Variants in GARIN5B observed in about 807,000 individuals in gnomAD.
GARIN5B encodes the protein Golgi-associated RAB2 interactor protein 5B.
At chr19:55,361,002 C>T in the GARIN5B span, 1 of 1,550,674 alleles carries the variant, frequency 6.4e-7, no homozygotes, top group Non-Finnish European at 8.7e-7. Flanking sequence ...ACGCCCACTT[C>T]TTTTCTGCAG....
the GARIN5B span, chr19:55,362,501 A>G: frequency 6.5e-7 from 1 of 1,531,150 alleles, no homozygotes; most frequent in African/African-American, 1.4e-5. Context: ...CAGGGGGATC[A>G]TCCTGGGAGA....
chr19:55,363,149 C>T, the GARIN5B span: 3 of 1,358,256 alleles, frequency 2.2e-6, no homozygotes, highest in Non-Finnish European at 2.9e-6. This position sits in a 1 kb window ranked among gnomAD's most constrained non-coding sequence, Gnocchi z 4.0. Flanking sequence ...CCAGCCTTGA[C>T]CCGTGGGGCT....
the GARIN5B span, chr19:55,355,312 A>C: frequency 5.8e-6 from 9 of 1,549,708 alleles, no homozygotes; most frequent in Non-Finnish European, 6.1e-6. Flanking sequence ...AAGCCCCCGC[A>C]TCCGGCCACT....
the GARIN5B span, chr19:55,363,221 G>A: frequency 2.6e-6 from 2 of 761,366 alleles, no homozygotes; most frequent in Admixed American, 4.0e-5. This position sits in a 1 kb window ranked among gnomAD's most constrained non-coding sequence, Gnocchi z 4.0. Context: ...GGAGACTCGG[G>A]CCTCCGCCAT....
At chr19:55,357,860 C>A in the GARIN5B span, among the ~76,000 whole-genome samples, 2 of 152,084 alleles carry the variant, frequency 1.3e-5, no homozygotes, top group Non-Finnish European at 2.9e-5. Flanking sequence ...TCAAGACCAG[C>A]CTGGCCAACA....
chr19:55,362,039 A>G, the GARIN5B span, among the ~76,000 whole-genome samples: 1 of 133,860 alleles, frequency 7.5e-6, no homozygotes, highest in African/African-American at 3.0e-5. Flanking sequence ...CCAGGCCCCC[A>G]GCTCCTCCTC....
At chr19:55,362,454 A>T in the GARIN5B span, 2 of 1,547,684 alleles carry the variant, frequency 1.3e-6, no homozygotes, top group East Asian at 2.5e-5. Flanking sequence ...TTCAGGCGCC[A>T]GGCAGAGAGG....
chr19:55,363,129 C>A, the GARIN5B span: 1 of 1,408,404 alleles, frequency 7.1e-7, no homozygotes, highest in Non-Finnish European at 9.3e-7. The surrounding 1 kb of genome is among the most constrained non-coding windows in gnomAD (Gnocchi z 4.0). Context: ...GGCCTCCCAG[C>A]CCCGGCCCAC....
At chr19:55,358,511 GGCTCCTTCATCTCGCCCCATGGCT>G in the GARIN5B span, 1,334,974 of 1,540,910 alleles carry the variant, frequency 0.87, 578,895 homozygotes, top group East Asian at 0.91. Context: ...GTCCCAGGGT[GGCTCCTTCATCTCGCCCCATGGCT>G]GCTCCTTCAT....
the GARIN5B span, chr19:55,358,331 G>A: frequency 5.2e-6 from 8 of 1,532,112 alleles, no homozygotes; most frequent in Non-Finnish European, 7.0e-6. Context: ...CTGCTGGGAC[G>A]CCCTGGCTGT....
chr19:55,357,112 G>A, the GARIN5B span, among the ~76,000 whole-genome samples: 2 of 152,056 alleles, frequency 1.3e-5, no homozygotes, highest in South Asian at 2.1e-4. Context: ...AGTCACTCCC[G>A]CTTCCTCCAC....
chr19:55,355,224 A>C, the GARIN5B span: 2 of 295,142 alleles, frequency 6.8e-6, no homozygotes, highest in Non-Finnish European at 9.9e-6. Flanking sequence ...CCCCGCCCCC[A>C]GGTCTAAGGC....
chr19:55,355,171 C>T, the GARIN5B span: 2 of 100,248 alleles, frequency 2.0e-5, no homozygotes, highest in Non-Finnish European at 4.2e-5. Context: ...GTCCTCCCCC[C>T]TCCGTTACCC....
At chr19:55,361,527 C>T in the GARIN5B span, 16 of 1,291,246 alleles carry the variant, frequency 1.2e-5, no homozygotes, top group East Asian at 3.7e-4. Context: ...GCTCCCAGGA[C>T]CTGACGATCC....
the GARIN5B span, chr19:55,361,305 CTT>C: frequency 1.3e-6 from 2 of 1,541,810 alleles, no homozygotes; most frequent in Non-Finnish European, 1.8e-6. Flanking sequence ...ACCCCAGGAG[CTT>C]GTGGAGGGCC....
chr19:55,363,052 T>C, the GARIN5B span: 1 of 1,498,114 alleles, frequency 6.7e-7, no homozygotes, highest in Non-Finnish European at 8.9e-7. This position sits in a 1 kb window ranked among gnomAD's most constrained non-coding sequence, Gnocchi z 4.0. Flanking sequence ...ACCTCCTGTT[T>C]CGAAGCCAGA....
chr19:55,361,349 C>CAAAG, the GARIN5B span: 1 of 1,539,316 alleles, frequency 6.5e-7, no homozygotes, highest in South Asian at 1.2e-5. Flanking sequence ...CCAAAGGGTG[C>CAAAG]AGCTCTGTCC....
At chr19:55,355,735 T>C in the GARIN5B span, among the ~76,000 whole-genome samples, 1 of 152,154 alleles carries the variant, frequency 6.6e-6, no homozygotes, top group African/African-American at 2.4e-5. Context: ...CCTGTAATCC[T>C]AGCATTTTGT....
chr19:55,355,624 C>T, the GARIN5B span, among the ~76,000 whole-genome samples: 1 of 152,198 alleles, frequency 6.6e-6, no homozygotes, highest in East Asian at 1.9e-4. Context: ...TGCTAAGCTT[C>T]TCTCCCTCCT....
Sources: allele counts gnomAD v4.1 joint callset (sites outside exome capture counted in the v4.1 genomes callset), GRCh38; gene constraint gnomAD v4.1.1; non-coding constraint Gnocchi (gnomAD v3.1); transcripts MANE v1.5; gene names NCBI Gene and HGNC (gene_info 2026-07-23, HGNC 2026-07-21).